The following RBM20 variants were observed in gnomAD, a reference collection of about 807,000 sequenced individuals.
RBM20 encodes the protein RNA binding motif protein 20.
Under a neutral mutation model 110.1 loss-of-function variants are expected in RBM20, and 51 were observed. The ratio of observed to expected loss-of-function variants is 0.46; its 90% CI spans 0.37 to 0.59. The LOEUF is 0.59. Among genes scored for constraint, RBM20 ranks in the 20% least tolerant of loss-of-function variants. The probability of loss-of-function intolerance (pLI) is 0.00; values close to 1 mark genes in which losing one functional copy is unlikely to be tolerated. For synonymous variants in RBM20, 589 were observed against 618.2 expected (o/e 0.95, Z 0.70); for missense variants, 1,512 against 1,574.9 (o/e 0.96, Z 0.68).
intron 5 of RBM20, among the ~76,000 whole-genome samples, chr10:110,792,709 C>T (rs752731334): frequency 3.3e-5 from 5 of 152,158 alleles, no homozygotes; most frequent in Non-Finnish European, 7.4e-5. Context: ...TTTGTGTATC[C>T]TCTCAACTCT....
chr10:110,657,173 C>A (rs563435674), intron 1 of RBM20, among the ~76,000 whole-genome samples: 6 of 152,012 alleles, frequency 3.9e-5, no homozygotes, highest in African/African-American at 1.4e-4. Context: ...CATGCCACCA[C>A]GCCTGGCTAA....
rs10885032 is a variant in RBM20 at position 110,739,393 on chromosome 10, A to G, written c.192-41408A>G. ...ACTAGGGATTCAGCAGTGAACAAAA[A>G]CAGACAAAATTCCCCAACCTCTTAA... On this transcript the variant is annotated intron_variant, in intron 1 of 13. Coordinates refer to ENST00000369519, the MANE Select transcript of RBM20 (RefSeq NM_001134363.3). This position sits in a 1 kb window ranked among gnomAD's most constrained non-coding sequence, Gnocchi z 4.1. Among the ~76,000 whole-genome samples the G allele has an allele frequency of 0.41, 62,956 of 152,016 alleles. 13,505 individuals are homozygous for G. The highest frequency in any genetic ancestry group is 0.48 in the African/African-American group (20,081 of 41,446).
rs12767086 is a variant in RBM20, at chr10:110,770,125, T to C, written c.192-10676T>C. Among the ~76,000 whole-genome samples the C allele has an allele frequency of 8.2e-3, 1,247 of 152,298 alleles. 10 individuals are homozygous for C. Among genetic ancestry groups the C allele is most frequent in the Middle Eastern group, 0.044 (13 of 294 alleles). ...CACCTGGACTTGTTAGAAATGTACA[T>C]GTTCACGCTCCACCCCCAGATCTTC... On this transcript the variant is annotated intron_variant, in intron 1 of 13. Transcript: ENST00000369519.
chr10:110,691,962 G>T lies in RBM20; in HGVS notation c.191+47317G>T, dbSNP rs1388573811. 3.9e-5 allele frequency among the ~76,000 whole-genome samples: 6 copies of T among 152,214 alleles called. No homozygotes were observed. The East Asian group carries it at 1.2e-3, about 29-fold the overall frequency. On this transcript the variant is annotated intron_variant, in intron 1 of 13. Transcript: ENST00000369519. ...TGATTCCTTTTTGCATATTGTGTAA[G>T]GATCCAACTTCATTATTTTGCATGT...
At chr10:110,687,924 A>T (rs1862528068) in intron 1 of RBM20, among the ~76,000 whole-genome samples, 1 of 152,004 alleles carries the variant, frequency 6.6e-6, no homozygotes, top group Non-Finnish European at 1.5e-5. Flanking sequence ...TAGATTAAGA[A>T]ATAAAACATC....
At chr10:110,664,352 CT>C (rs1862148018) in intron 1 of RBM20, among the ~76,000 whole-genome samples, 2 of 152,204 alleles carry the variant, frequency 1.3e-5, no homozygotes, top group African/African-American at 2.4e-5. Flanking sequence ...GGGGCTCCCC[CT>C]GTCCAAATAT....
intron 1 of RBM20, among the ~76,000 whole-genome samples, chr10:110,744,791 G>C (rs920218330): frequency 6.6e-6 from 1 of 152,244 alleles, no homozygotes; most frequent in Admixed American, 6.5e-5. Flanking sequence ...GAAATCTGCT[G>C]ATATGAAGAC....
chr10:110,735,367 C>T (rs180998489), intron 1 of RBM20, among the ~76,000 whole-genome samples: 4 of 152,262 alleles, frequency 2.6e-5, no homozygotes, highest in African/African-American at 9.6e-5. Flanking sequence ...TGGAAAGGAA[C>T]ATATCATGCA....
chr10:110,690,479 A>ACACTATTT (rs993942616), intron 1 of RBM20, among the ~76,000 whole-genome samples: 2 of 152,114 alleles, frequency 1.3e-5, no homozygotes, highest in African/African-American at 4.8e-5. Flanking sequence ...TTAACCACCC[A>ACACTATTT]CACTATTTCC....
chr10:110,731,140 G>A (rs1843617172), intron 1 of RBM20, among the ~76,000 whole-genome samples: 1 of 152,076 alleles, frequency 6.6e-6, no homozygotes, highest in Non-Finnish European at 1.5e-5. Context: ...TTTTCTCTAG[G>A]TACTCTGCAT....
rs376065347 is a variant in RBM20, at chr10:110,770,527, G to A, written c.192-10274G>A. 4.5e-4 allele frequency among the ~76,000 whole-genome samples: 69 copies of A among 152,310 alleles called. 1 individual carries two copies. The highest frequency in any genetic ancestry group is 1.6e-3 in the African/African-American group (65 of 41,574). ...CAGAGCTTTTGGTCTACTTAAAACC[G>A]ACACAGTCTTCCTCCCCCACTGGCC... On this transcript the variant is annotated intron_variant, in intron 1 of 13. Transcript: ENST00000369519.
chr10:110,779,750 C>T (rs1005301036), intron 1 of RBM20, among the ~76,000 whole-genome samples: 1 of 152,162 alleles, frequency 6.6e-6, no homozygotes. Flanking sequence ...GAGAAAACCT[C>T]CCACACATCT....
intron 1 of RBM20, among the ~76,000 whole-genome samples, chr10:110,738,578 A>C (rs539640352): frequency 9.3e-4 from 141 of 152,158 alleles, no homozygotes; most frequent in African/African-American, 3.3e-3. Context: ...GAAACGGTGC[A>C]ACTTGGACTA....
At chr10:110,751,689 CA>C (rs1843855252) in intron 1 of RBM20, among the ~76,000 whole-genome samples, 1 of 152,110 alleles carries the variant, frequency 6.6e-6, no homozygotes, top group Admixed American at 6.5e-5. Context: ...TGCCTTTAGA[CA>C]GGGACTGGAT....
intron 7 of RBM20, among the ~76,000 whole-genome samples, chr10:110,810,068 A>G (rs1176564013): frequency 3.3e-5 from 5 of 151,526 alleles, no homozygotes; most frequent in African/African-American, 1.2e-4. Flanking sequence ...TCTTTCTTTC[A>G]CATTTTAATT....
At chr10:110,795,664 T>A (rs1844540843) in intron 5 of RBM20, among the ~76,000 whole-genome samples, 1 of 152,194 alleles carries the variant, frequency 6.6e-6, no homozygotes, top group Admixed American at 6.5e-5. Flanking sequence ...CAGTTTAACA[T>A]AGAAAATTGT....
At position 110,812,320 on chromosome 10, in the gene RBM20, G is replaced by A. The variant is rs944942354; in HGVS notation, c.1923G>A (p.Arg641=). The A allele has an allele frequency of 1.3e-6, 2 of 1,550,920 alleles. No homozygotes were observed. The highest frequency in any genetic ancestry group is 2.7e-5 in the African/African-American group (2 of 73,030). ...ERPRSRSPVS[R]SLSPRSHTPS... ...CGCGGTCTCGTAGTCCGGTGAGCCG[G>A]TCACTCTCCCCGAGGTCCCACACTC... Residue 641 remains arginine (R), a synonymous_variant, in exon 9 of 14, where the codon CGG becomes CGA. Coordinates refer to ENST00000369519, the MANE Select transcript of RBM20 (RefSeq NM_001134363.3).
In RBM20 at chr10:110,812,350, C is replaced by T. The variant is rs1464394104; in HGVS notation, c.1953C>T (p.Ser651=). The T allele has an allele frequency of 3.2e-6, 5 of 1,551,532 alleles. No homozygotes were observed. The East Asian group carries it at 7.3e-5, about 23-fold the overall frequency. The part of the protein sequence containing the change: ...RSLSPRSHTP[S]FTSCSSSHSP... ...TCTCCCCGAGGTCCCACACTCCCAGCTTCACCTCCTGCAGCTCTTCCCACA... is the reference window on the plus strand; with the variant it reads ...TCTCCCCGAGGTCCCACACTCCCAGTTTCACCTCCTGCAGCTCTTCCCACA... The change falls in exon 9 of 14, where the codon AGC becomes AGT. Residue 651 remains serine (S), a synonymous_variant. Coordinates refer to ENST00000369519, the MANE Select transcript of RBM20 (RefSeq NM_001134363.3).
At chr10:110,816,500 C>T (rs1164743165) in intron 9 of RBM20, among the ~76,000 whole-genome samples, 2 of 152,022 alleles carry the variant, frequency 1.3e-5, no homozygotes, top group African/African-American at 4.8e-5. Flanking sequence ...ACCCATTCCT[C>T]TCCCTCGCAC....
Sources: allele counts gnomAD v4.1 joint callset (sites outside exome capture counted in the v4.1 genomes callset), GRCh38; gene constraint gnomAD v4.1.1; non-coding constraint Gnocchi (gnomAD v3.1); transcripts MANE v1.5; gene names NCBI Gene and HGNC (gene_info 2026-07-23, HGNC 2026-07-21).